The following ERBB4 variants were observed in gnomAD, a reference collection of about 807,000 sequenced individuals.
ERBB4 encodes the protein receptor tyrosine-protein kinase erbB-4.
In ERBB4, 42 loss-of-function variants were observed where a neutral mutation model predicts 158.0. The ratio of observed to expected loss-of-function variants is 0.27; its 90% CI spans 0.21 to 0.34. ERBB4 has a LOEUF of 0.34. Ranked by LOEUF, ERBB4 falls within the 10% of genes least tolerant of loss-of-function variation. The probability of loss-of-function intolerance (pLI) is 1.00; values close to 1 mark genes in which losing one functional copy is unlikely to be tolerated. For synonymous variants in ERBB4, 583 were observed against 558.7 expected (o/e 1.04, Z -0.61); for missense variants, 1,333 against 1,624.1 (o/e 0.82, Z 3.08).
intron 3 of ERBB4, among the ~76,000 whole-genome samples, chr2:211,884,392 C>T (rs1258236982): frequency 1.3e-5 from 2 of 152,174 alleles, no homozygotes; most frequent in East Asian, 3.9e-4. Flanking sequence ...GAAACCCTGA[C>T]TATGAAAATG....
At chr2:211,514,128 C>G (rs965772604) in intron 20 of ERBB4, among the ~76,000 whole-genome samples, 3 of 152,124 alleles carry the variant, frequency 2.0e-5, no homozygotes, top group Non-Finnish European at 4.4e-5. Flanking sequence ...TTCATACCCC[C>G]TTACCCTCTA....
rs1164131519 is a variant in ERBB4, at chr2:211,603,402, CTTAA to C, written c.2301+15771_2301+15774del. Among the ~76,000 whole-genome samples, 12 of 151,968 alleles carry C rather than the reference CTTAA, an allele frequency of 7.9e-5. No homozygotes were observed. The East Asian group carries it at 2.3e-3, about 29-fold the overall frequency. ...GATATAGAATATAAAGGAAAAAGGT[CTTAA>C]TTAAATGATTACCAACAGTGAACAA... On this transcript the variant is annotated intron_variant, in intron 19 of 27. Coordinates refer to ENST00000342788, the MANE Select transcript of ERBB4 (RefSeq NM_005235.3).
At chr2:212,261,878 CT>C (rs1180097574) in intron 1 of ERBB4, among the ~76,000 whole-genome samples, 7 of 151,814 alleles carry the variant, frequency 4.6e-5, no homozygotes, top group Admixed American at 1.3e-4. Context: ...GGTTTTGATG[CT>C]TATAAAATGT....
Position 211,542,207 on chromosome 2 carries a change from T to C in ERBB4, c.2487+19696A>G, listed in dbSNP as rs377398350. Among the ~76,000 whole-genome samples, 124 of 152,088 alleles carry C rather than the reference T, an allele frequency of 8.2e-4. 1 individual carries two copies. The highest frequency in any genetic ancestry group is 2.8e-3 in the African/African-American group (116 of 41,522). On this transcript the variant is annotated intron_variant, in intron 20 of 27. Transcript: ENST00000342788. ...AGTGCCTTAGGGAGAAAGACAAACA[T>C]AGCACATGGCCTGCAGGTTGCTGGA...
intron 2 of ERBB4, among the ~76,000 whole-genome samples, chr2:212,018,524 A>T (rs151082370): frequency 6.6e-6 from 1 of 152,226 alleles, no homozygotes; most frequent in African/African-American, 2.4e-5. Flanking sequence ...GGAACTAAAC[A>T]TTAATGTCTA....
chr2:212,203,763 CA>C (rs35425538), intron 1 of ERBB4, among the ~76,000 whole-genome samples: 1 of 152,204 alleles, frequency 6.6e-6, no homozygotes, highest in African/African-American at 2.4e-5. Context: ...AGTCACTAAT[CA>C]ACCACTTAGC....
At chr2:211,387,211 T>A in intron 26 of ERBB4, 61 bp from the exon 27 acceptor site, 1 of 1,271,104 alleles carries the variant, frequency 7.9e-7, no homozygotes, top group Admixed American at 1.7e-5. Flanking sequence ...TAAAAATGAA[T>A]GTTAATAGCC....
chr2:212,107,944 A>C (rs2079281597), intron 2 of ERBB4, among the ~76,000 whole-genome samples: 1 of 152,118 alleles, frequency 6.6e-6, no homozygotes, highest in Non-Finnish European at 1.5e-5. Context: ...GAATCCATTA[A>C]ACCTTTTTTC....
intron 3 of ERBB4, among the ~76,000 whole-genome samples, chr2:211,843,851 G>C (rs2077531876): frequency 6.6e-6 from 1 of 152,004 alleles, no homozygotes; most frequent in African/African-American, 2.4e-5. Context: ...ATCTAAGCAG[G>C]TTTGACAATA....
intron 1 of ERBB4, among the ~76,000 whole-genome samples, chr2:212,330,135 A>T (rs978376010): frequency 3.3e-5 from 5 of 152,086 alleles, no homozygotes; most frequent in Admixed American, 2.6e-4. Flanking sequence ...GGCCACTAAC[A>T]ACCATTGTGT....
At chr2:211,567,405 T>C (rs1280313048) in intron 19 of ERBB4, among the ~76,000 whole-genome samples, 2 of 152,158 alleles carry the variant, frequency 1.3e-5, no homozygotes, top group African/African-American at 4.8e-5. Context: ...AAACAATACA[T>C]TTGTGCTTAC....
chr2:211,613,529 A>C (rs998265352), intron 19 of ERBB4, among the ~76,000 whole-genome samples: 1 of 152,092 alleles, frequency 6.6e-6, no homozygotes, highest in African/African-American at 2.4e-5. Flanking sequence ...ACAAGGGTTT[A>C]ATAACCAGAA....
At chr2:211,700,946 C>T (rs2073212653) in intron 12 of ERBB4, among the ~76,000 whole-genome samples, 1 of 152,084 alleles carries the variant, frequency 6.6e-6, no homozygotes, top group Non-Finnish European at 1.5e-5. Context: ...TGGTTGTACT[C>T]ATAATAGTGG....
rs58955695 is a variant in ERBB4 at position 212,293,859 on chromosome 2, C to CA, written c.83-168957dup. Among the ~76,000 whole-genome samples the CA allele has an allele frequency of 8.3e-3, 807 of 97,560 alleles. 21 individuals are homozygous for CA. Among genetic ancestry groups the CA allele is most frequent in the Middle Eastern group, 0.04 (5 of 126 alleles). The allele number at this position is 97,560 out of a possible 152,430, so 64.0% of individuals were successfully genotyped here. On this transcript the variant is annotated intron_variant, in intron 1 of 27. Transcript: ENST00000342788. ...GAAGACTCTGTCTCAAAAAAAAAAA[C>CA]AAAAAAAAAAAAAACATACATTTGT...
Position 211,424,212 on chromosome 2 carries a change from C to T in ERBB4, c.2809G>A (p.Glu937Lys), listed in dbSNP as rs775214878. The T allele has an allele frequency of 6.2e-7, 1 of 1,613,334 alleles. No homozygotes were observed. Among genetic ancestry groups the T allele is most frequent in the South Asian group, 1.1e-5 (1 of 91,078 alleles). The part of the protein sequence containing the change: ...REIPDLLEKG[E>K]RLPQPPICTI... ...CAGATGGGAGGCTGAGGCAAACGTT[C>T]TCCTTTCTCTAATAAATCAGGGATT... The change falls in exon 23 of 28, where the codon GAA becomes AAA. Residue 937 changes from glutamate to lysine, a missense_variant. Physicochemically the swap from Glu to Lys is moderately conservative, Grantham distance 56. This residue lies in a region of ERBB4 where 314 missense variants were observed against 437.6 expected (regional missense o/e 0.72). Transcript: ENST00000342788.
chr2:211,386,492 C>A (rs1311012832), intron 27 of ERBB4, among the ~76,000 whole-genome samples: 1 of 152,080 alleles, frequency 6.6e-6, no homozygotes, highest in Non-Finnish European at 1.5e-5. Flanking sequence ...GCAATTAAGT[C>A]CAATAAAGCT....
At chr2:211,440,929 TG>T in intron 20 of ERBB4, among the ~76,000 whole-genome samples, 1 of 152,184 alleles carries the variant, frequency 6.6e-6, no homozygotes, top group East Asian at 1.9e-4. Flanking sequence ...GCAATGGGCT[TG>T]GCCCCACTAT....
intron 2 of ERBB4, among the ~76,000 whole-genome samples, chr2:212,081,881 A>AT (rs2078455402): frequency 1.3e-5 from 2 of 152,152 alleles, no homozygotes; most frequent in Admixed American, 1.3e-4. Context: ...ACATCAGACA[A>AT]TTATAAAGCA....
chr2:211,879,517 G>A (rs559981404), intron 3 of ERBB4, among the ~76,000 whole-genome samples: 23 of 152,290 alleles, frequency 1.5e-4, no homozygotes, highest in African/African-American at 5.5e-4. Context: ...TTTGGCCAGG[G>A]TGTGGCAACA....
Sources: allele counts gnomAD v4.1 joint callset (sites outside exome capture counted in the v4.1 genomes callset), GRCh38; gene constraint gnomAD v4.1.1; regional missense constraint gnomAD v4.1.1; transcripts MANE v1.5; gene names NCBI Gene and HGNC (gene_info 2026-07-23, HGNC 2026-07-21).